The following ADGRB2 variants were observed in gnomAD, a reference collection of about 807,000 sequenced individuals.
ADGRB2 encodes the protein adhesion G protein-coupled receptor B2, also known as brain-specific angiogenesis inhibitor 2.
ADGRB2 carries 47 observed loss-of-function variants against 178.7 expected under a neutral mutation model. The ratio of observed to expected loss-of-function variants is 0.26; its 90% CI spans 0.21 to 0.34. ADGRB2 has a LOEUF of 0.34. Among genes scored for constraint, ADGRB2 ranks in the 10% least tolerant of loss-of-function variants. The pLI is 1.00. For missense variants in ADGRB2, 1,584 were observed against 2,180.8 expected, an observed-to-expected ratio of 0.73 and a Z score of 5.45; for synonymous variants, 870 against 912.4, an observed-to-expected ratio of 0.95 and a Z score of 0.84.
At position 31,735,567 on chromosome 1, in the gene ADGRB2, GC is replaced by G. The variant is rs759961385; in HGVS notation, c.3353+12del. The stretch of plus-strand genomic sequence containing the variant: ...TTTCCAGAAAGGCCAAGTCTCAGAG[GC>G]CCCCCCCTTACCCGGCCCTCTGCTT... On this transcript the variant is annotated intron_variant, in intron 24 of 32. Transcript: ENST00000373658. This position sits in a 1 kb window ranked among gnomAD's most constrained non-coding sequence, Gnocchi z 6.0. The G allele has an allele frequency of 1.8e-4, 290 of 1,611,346 alleles. 2 individuals carry two copies. Among genetic ancestry groups the G allele is most frequent in the East Asian group, 7.4e-4 (33 of 44,846 alleles).
chr1:31,747,547 TA>T (rs1646340847), intron 4 of ADGRB2, among the ~76,000 whole-genome samples: 1 of 152,206 alleles, frequency 6.6e-6, no homozygotes, highest in African/African-American at 2.4e-5. Flanking sequence ...GAAACTTCCA[TA>T]TTGTCAACTC....
Position 31,750,382 on chromosome 1 carries a change from C to T in ADGRB2, c.838+5617G>A, listed in dbSNP as rs115839100. 1.4e-3 allele frequency among the ~76,000 whole-genome samples: 215 copies of T among 152,320 alleles called. 1 individual carries two copies. The highest frequency in any genetic ancestry group is 2.6e-3 in the Non-Finnish European group (174 of 68,018). ...ATTGCTGGGAGTTCCTCCACCCCAACCACAGAGAGGCCCCTCTTGCTTCAC... is the reference window on the plus strand; with the variant it reads ...ATTGCTGGGAGTTCCTCCACCCCAATCACAGAGAGGCCCCTCTTGCTTCAC... On this transcript the variant is annotated intron_variant, in intron 4 of 32. Coordinates refer to ENST00000373658, the MANE Select transcript of ADGRB2 (RefSeq NM_001364857.2).
At chr1:31,752,349 G>T (rs572362486) in intron 4 of ADGRB2, among the ~76,000 whole-genome samples, 1 of 152,302 alleles carries the variant, frequency 6.6e-6, no homozygotes, top group South Asian at 2.1e-4. Context: ...CACAGATCTG[G>T]GCTGGAAGGA....
rs754376609 is a variant in ADGRB2, at chr1:31,735,975, G to A, written c.3201-82C>T. 1.4e-5 allele frequency: 20 copies of A among 1,393,780 alleles called. No homozygotes were observed. The highest frequency in any genetic ancestry group is 1.8e-5 in the Non-Finnish European group (18 of 1,024,510). 86.3% of individuals were successfully genotyped at this position (1,393,780 alleles called of 1,614,324 possible). On this transcript the variant is annotated intron_variant, in intron 22 of 32. Coordinates refer to ENST00000373658, the MANE Select transcript of ADGRB2 (RefSeq NM_001364857.2). The surrounding 1 kb of genome is among the most constrained non-coding windows in gnomAD (Gnocchi z 6.0). Reference sequence around the variant, plus strand: ...AAACACCATCCCTCAGTCCTCCCAGGCTGCCATGCCCGCATCACCAGTGCA... The same window carrying A: ...AAACACCATCCCTCAGTCCTCCCAGACTGCCATGCCCGCATCACCAGTGCA...
chr1:31,739,204 G>A, intron 15 of ADGRB2, 104 bp downstream of exon 15: 2 of 1,237,764 alleles, frequency 1.6e-6, no homozygotes, highest in East Asian at 2.6e-5. Context: ...GGTGGAGGAG[G>A]CTGCCATGGA....
At position 31,759,572 on chromosome 1, in the gene ADGRB2, T is replaced by C. The variant is rs1267129199; in HGVS notation, c.-190-2061A>G. 5 of 596,078 alleles carry C rather than the reference T, an allele frequency of 8.4e-6. No homozygotes were observed. The East Asian group carries it at 1.4e-4, about 17-fold the overall frequency. The allele number at this position is 596,078 out of a possible 1,614,324, so 36.9% of individuals were successfully genotyped here. ...ACCCCCCTCCTCCCCTCAGTCTCCT[T>C]CAGACACCTTCACGCTCATTCTGGG... On this transcript the variant is annotated intron_variant, in intron 1 of 32. Transcript: ENST00000373658. The surrounding 1 kb of genome is among the most constrained non-coding windows in gnomAD (Gnocchi z 4.3).
At position 31,731,274 on chromosome 1, in the gene ADGRB2, G is replaced by A; in HGVS notation, c.3906C>T (p.Ile1302=). 6.2e-7 allele frequency: 1 copy of A among 1,611,150 alleles called. No homozygotes were observed. Among genetic ancestry groups the A allele is most frequent in the Admixed American group, 1.7e-5 (1 of 59,808 alleles). The change falls in exon 29 of 33, where the codon ATC becomes ATT. Residue 1302 remains isoleucine, a synonymous_variant. Transcript: ENST00000373658. Reference sequence around the variant, plus strand: ...CTGGTGAGGCTGCCATGGGCACCAGGATATTCCCAGGCAGTGGTGAGAAGC... The same window carrying A: ...CTGGTGAGGCTGCCATGGGCACCAGAATATTCCCAGGCAGTGGTGAGAAGC... ...SLSFSPLPGN[I]LVPMAASPGL...
intron 15 of ADGRB2, 145 bp downstream of exon 15, chr1:31,739,163 T>C (rs1290777576): frequency 2.0e-5 from 20 of 987,694 alleles, no homozygotes; most frequent in Non-Finnish European, 2.8e-5. Flanking sequence ...TTGAGAAGCA[T>C]GTGTCCAGAG....
Position 31,728,481 on chromosome 1 carries a change from C to G in ADGRB2, c.4416+117G>C. The stretch of plus-strand genomic sequence containing the variant: ...GGGAAGATCCCACGGAACCCCCGGG[C>G]TTGGGCTCCTGGGGTCAGGCTCTGC... On this transcript the variant is annotated intron_variant, in intron 30 of 32. Coordinates refer to ENST00000373658, the MANE Select transcript of ADGRB2 (RefSeq NM_001364857.2). This position sits in a 1 kb window ranked among gnomAD's most constrained non-coding sequence, Gnocchi z 6.7. 6.7e-7 allele frequency: 1 copy of G among 1,503,074 alleles called. No individual in the cohort carries two copies. The highest frequency in any genetic ancestry group is 1.1e-5 in the South Asian group (1 of 88,486). The allele number at this position is 1,503,074 out of a possible 1,614,324, so 93.1% of individuals were successfully genotyped here. A position where few individuals can be genotyped will look rare whatever the true frequency, so the allele number is the denominator to read the frequency against.
chr1:31,741,729 T>C lies in ADGRB2; in HGVS notation c.1586-4A>G, dbSNP rs757576501. ...TCCCTGCACATCTCATGGAAGGCTG[T>C]GGGTGCAGGGGTAAGGTTCAGCTGG... On this transcript the variant is annotated splice_polypyrimidine_tract_variant and splice_region_variant and intron_variant, in intron 9 of 32. Coordinates refer to ENST00000373658, the MANE Select transcript of ADGRB2 (RefSeq NM_001364857.2). This position sits in a 1 kb window ranked among gnomAD's most constrained non-coding sequence, Gnocchi z 6.5. 1 of 1,612,362 alleles carries C rather than the reference T, an allele frequency of 6.2e-7. No homozygotes were observed. The highest frequency in any genetic ancestry group is 8.5e-7 in the Non-Finnish European group (1 of 1,178,720).
Position 31,733,887 on chromosome 1 carries a change from T to C in ADGRB2, c.3453-744A>G, listed in dbSNP as rs950016065. Among the ~76,000 whole-genome samples the C allele has an allele frequency of 4.6e-5, 7 of 152,086 alleles. No homozygotes were observed. The highest frequency in any genetic ancestry group is 3.3e-4 in the Admixed American group (5 of 15,282). The stretch of plus-strand genomic sequence containing the variant: ...CCATTCCCACCCCTCCCTAACCTGC[T>C]ATAGCACATGAGGGACAGCCAGGCC... On this transcript the variant is annotated intron_variant, in intron 25 of 32. Transcript: ENST00000373658. The surrounding 1 kb of genome is among the most constrained non-coding windows in gnomAD (Gnocchi z 4.3).
At chr1:31,751,237 A>G (rs937422565) in intron 4 of ADGRB2, among the ~76,000 whole-genome samples, 5 of 152,124 alleles carry the variant, frequency 3.3e-5, no homozygotes, top group African/African-American at 1.2e-4. Context: ...CTTCCTCCTG[A>G]GAGCTTCCCC....
intron 26 of ADGRB2, 146 bp downstream of exon 26, chr1:31,732,826 C>A: frequency 8.2e-7 from 1 of 1,221,358 alleles, no homozygotes. Flanking sequence ...GTACCCCGGG[C>A]TATCAGCTTC....
Position 31,735,222 on chromosome 1 carries a change from G to A in ADGRB2, c.3413C>T (p.Pro1138Leu). The change falls in exon 25 of 33, where the codon CCC becomes CTC. Residue 1138 changes from proline (P) to leucine (L), a missense_variant. Physicochemically the swap from Pro to Leu is moderately conservative, Grantham distance 98. Transcript: ENST00000373658. The surrounding 1 kb of genome is among the most constrained non-coding windows in gnomAD (Gnocchi z 6.0). ...CGAGGCTGAGCTGAGCAGGGGGCTGGGGACCGCTCCACACGCTGAGCAGGG... is the reference window on the plus strand; with the variant it reads ...CGAGGCTGAGCTGAGCAGGGGGCTGAGGACCGCTCCACACGCTGAGCAGGG... ...LLPCSACGAV[P>L]SPLLSSASAR... is the part of the protein sequence containing the mutation. The A allele has an allele frequency of 6.9e-7, 1 of 1,458,114 alleles. No homozygotes were observed. The highest frequency in any genetic ancestry group is 9.1e-7 in the Non-Finnish European group (1 of 1,100,652). The allele number at this position is 1,458,114 out of a possible 1,614,324, so 90.3% of individuals were successfully genotyped here.
At chr1:31,751,708 T>C (rs1646580767) in intron 4 of ADGRB2, among the ~76,000 whole-genome samples, 1 of 152,196 alleles carries the variant, frequency 6.6e-6, no homozygotes, top group Non-Finnish European at 1.5e-5. Context: ...ATTTTAAAAA[T>C]GATACAATTG....
At position 31,744,238 on chromosome 1, in the gene ADGRB2, G is replaced by A; in HGVS notation, c.1042C>T (p.Pro348Ser). 6.5e-7 allele frequency: 1 copy of A among 1,547,660 alleles called. No individual in the cohort carries two copies. Among genetic ancestry groups the A allele is most frequent in the Non-Finnish European group, 8.7e-7 (1 of 1,144,834 alleles). Residue 348 changes from proline to serine, a missense_variant, in exon 6 of 33, where the codon CCC becomes TCC. Physicochemically the swap from Pro to Ser is moderately conservative, Grantham distance 74 (BLOSUM62 -1). Around this residue, in one of 3 missense-constraint regions of ADGRB2, gnomAD observed 657 missense variants for 847.6 expected, o/e 0.78. Transcript: ENST00000373658. This position sits in a 1 kb window ranked among gnomAD's most constrained non-coding sequence, Gnocchi z 6.7. The part of the protein sequence containing the change: ...SSPYGTLCSG[P>S]LRETRPCNNS... Reference sequence around the variant, plus strand: ...TTGCAGGGCCTGGTCTCCCGCAGGGGCCCGCTGCACAGGGTCCCATAGGGG... The same window carrying A: ...TTGCAGGGCCTGGTCTCCCGCAGGGACCCGCTGCACAGGGTCCCATAGGGG...
chr1:31,731,253 T>A lies in ADGRB2; in HGVS notation c.3927A>T (p.Ser1309=), dbSNP rs1645267791. 6.2e-7 allele frequency: 1 copy of A among 1,608,826 alleles called. No homozygotes were observed. Among genetic ancestry groups the A allele is most frequent in the Non-Finnish European group, 8.5e-7 (1 of 1,178,278 alleles). The change falls in exon 29 of 33, where the codon TCA becomes TCT. Residue 1309 remains serine (S), a synonymous_variant. Transcript: ENST00000373658. ...GGGGCGGAGGCTCCCCCAGCCCTGG[T>A]GAGGCTGCCATGGGCACCAGGATAT... The part of the protein sequence containing the change: ...PGNILVPMAA[S]PGLGEPPPPQ...
chr1:31,727,245 C>CT lies in ADGRB2; in HGVS notation c.*174dup. The CT allele has an allele frequency of 1.4e-6, 1 of 710,554 alleles. No homozygotes were observed. The highest frequency in any genetic ancestry group is 3.4e-5 in the East Asian group (1 of 29,168). 44.0% of individuals were successfully genotyped at this position (710,554 alleles called of 1,614,324 possible). On this transcript the variant is annotated 3_prime_UTR_variant, in exon 33 of 33. Coordinates refer to ENST00000373658, the MANE Select transcript of ADGRB2 (RefSeq NM_001364857.2). The surrounding 1 kb of genome is among the most constrained non-coding windows in gnomAD (Gnocchi z 4.4). Reference sequence around the variant, plus strand: ...GGCCTCTGAGAAACAAGGAAGGGCCCTGGGACCCCAGGCCAAGCCATGTCC... The same window carrying CT: ...GGCCTCTGAGAAACAAGGAAGGGCCCTTGGGACCCCAGGCCAAGCCATGTCC...
chr1:31,762,765 G>A (rs1374445513), intron 1 of ADGRB2, among the ~76,000 whole-genome samples: 1 of 152,218 alleles, frequency 6.6e-6, no homozygotes, highest in Non-Finnish European at 1.5e-5. Context: ...CTCTGGCTGC[G>A]GAAACCCGGG....
Sources: allele counts gnomAD v4.1 joint callset (sites outside exome capture counted in the v4.1 genomes callset), GRCh38; gene constraint gnomAD v4.1.1; regional missense constraint gnomAD v4.1.1; non-coding constraint Gnocchi (gnomAD v3.1); transcripts MANE v1.5; gene names NCBI Gene and HGNC (gene_info 2026-07-23, HGNC 2026-07-21).